MCTP1: variants seen among roughly 807,000 people sequenced by gnomAD.
MCTP1 encodes multiple C2 and transmembrane domain-containing protein 1.
Under a neutral mutation model 120.6 loss-of-function variants are expected in MCTP1, and 69 were observed. That is an observed-to-expected ratio of 0.57 (90% confidence interval 0.47 to 0.70). MCTP1 has a LOEUF of 0.70. Among genes scored for constraint, MCTP1 ranks in the 30% least tolerant of loss-of-function variants. The pLI, the probability that MCTP1 is intolerant of heterozygous loss-of-function variation, is 0.00. For synonymous variants in MCTP1, 529 were observed against 493.1 expected (o/e 1.07, Z -0.96); for missense variants, 1,203 against 1,248.8 (o/e 0.96, Z 0.55).
intron 1 of MCTP1, among the ~76,000 whole-genome samples, chr5:95,226,015 C>A (rs1582590253): frequency 6.6e-6 from 1 of 152,132 alleles, no homozygotes; most frequent in South Asian, 2.1e-4. Flanking sequence ...TTTAAATTTC[C>A]ACAGGTGTTG....
chr5:94,743,298 C>T (rs1335424599), intron 19 of MCTP1, among the ~76,000 whole-genome samples: 1 of 148,328 alleles, frequency 6.7e-6, no homozygotes, highest in Non-Finnish European at 1.5e-5. Context: ...AATCTGCAGG[C>T]TTATATTTCA....
chr5:94,911,360 C>T (rs370225475), intron 9 of MCTP1, among the ~76,000 whole-genome samples: 11 of 152,208 alleles, frequency 7.2e-5, no homozygotes, highest in East Asian at 1.9e-4. Flanking sequence ...GTGTATCCAC[C>T]GAAATCTCAT....
At chr5:95,054,810 T>TTTGC (rs1395599579) in intron 1 of MCTP1, among the ~76,000 whole-genome samples, 37 of 152,160 alleles carry the variant, frequency 2.4e-4, no homozygotes, top group East Asian at 1.2e-3. Context: ...TGTTTGTTTG[T>TTTGC]TTGTTTTTTG....
chr5:94,738,504 C>A (rs1214316190), intron 19 of MCTP1, among the ~76,000 whole-genome samples: 1 of 152,180 alleles, frequency 6.6e-6, no homozygotes, highest in East Asian at 1.9e-4. Context: ...CCTGTCCCCC[C>A]ATACTGAACA....
rs373061528 is a variant in MCTP1, at chr5:95,125,461, A to C, written c.721-107977T>G. Among the ~76,000 whole-genome samples, 6 of 152,162 alleles carry C rather than the reference A, an allele frequency of 3.9e-5. No homozygotes were observed. The East Asian group carries it at 1.2e-3, about 29-fold the overall frequency. On this transcript the variant is annotated intron_variant, in intron 1 of 22. Transcript: ENST00000515393. ...ACTCTTCTTCCTGGAATCGCTAGCC[A>C]CAACCTTCACCTGGCAGTCTCCTTG... is the stretch of plus-strand genomic sequence containing the variant.
At chr5:95,020,987 C>G (rs1009379627) in intron 1 of MCTP1, among the ~76,000 whole-genome samples, 3 of 151,964 alleles carry the variant, frequency 2.0e-5, no homozygotes, top group Non-Finnish European at 4.4e-5. Context: ...TATGTAGCTC[C>G]CTTCTTTCTT....
At chr5:94,826,577 T>G in intron 17 of MCTP1, 1 of 750,908 alleles carries the variant, frequency 1.3e-6, no homozygotes, top group South Asian at 1.4e-5. Context: ...TCAAAGCATC[T>G]TTTGGGCAAA....
At chr5:94,951,107 C>T (rs989009819) in intron 3 of MCTP1, among the ~76,000 whole-genome samples, 5 of 152,016 alleles carry the variant, frequency 3.3e-5, no homozygotes, top group African/African-American at 1.2e-4. Context: ...TCATCTAGCC[C>T]CTTGCTACCC....
intron 1 of MCTP1, among the ~76,000 whole-genome samples, chr5:95,082,671 T>C (rs925748200): frequency 6.6e-6 from 1 of 152,188 alleles, no homozygotes; most frequent in Non-Finnish European, 1.5e-5. Flanking sequence ...CATTTCAATA[T>C]GTAATCATAA....
intron 1 of MCTP1, among the ~76,000 whole-genome samples, chr5:95,093,541 T>G (rs1756005839): frequency 1.3e-5 from 2 of 152,074 alleles, no homozygotes; most frequent in South Asian, 4.2e-4. Flanking sequence ...TAAACTTCAT[T>G]TGGACCTTAG....
At chr5:95,153,713 T>C (rs1450730327) in intron 1 of MCTP1, among the ~76,000 whole-genome samples, 7 of 152,210 alleles carry the variant, frequency 4.6e-5, no homozygotes, top group Non-Finnish European at 1.0e-4. Flanking sequence ...AAATCTGTTT[T>C]GTGGTGCTGT....
chr5:95,190,085 C>G (rs1749662577), intron 1 of MCTP1, among the ~76,000 whole-genome samples: 3 of 152,068 alleles, frequency 2.0e-5, no homozygotes, highest in Admixed American at 6.6e-5. Flanking sequence ...TAATGGCCTT[C>G]AACTACCTCA....
chr5:94,795,257 G>T (rs1779761073), intron 18 of MCTP1, among the ~76,000 whole-genome samples: 1 of 150,408 alleles, frequency 6.6e-6, no homozygotes, highest in East Asian at 2.0e-4. Flanking sequence ...CTGGGCGGGG[G>T]TGGGGTGGGG....
intron 1 of MCTP1, among the ~76,000 whole-genome samples, chr5:95,232,177 A>AAAAAT (rs1755032140): frequency 6.7e-6 from 1 of 149,586 alleles, no homozygotes; most frequent in African/African-American, 2.5e-5. Flanking sequence ...AAAAAAAAAA[A>AAAAAT]CAGTCATAGC....
intron 22 of MCTP1, among the ~76,000 whole-genome samples, 158 bp from the exon 23 acceptor site, chr5:94,707,725 C>T (rs7737187): frequency 0.15 from 22,283 of 151,836 alleles, 1,822 homozygotes; most frequent in East Asian, 0.32. Context: ...AATAGAATGA[C>T]AGAGCAAGAA....
intron 2 of MCTP1, among the ~76,000 whole-genome samples, chr5:94,967,182 C>T (rs1825826859): frequency 6.6e-6 from 1 of 152,114 alleles, no homozygotes; most frequent in South Asian, 2.1e-4. Flanking sequence ...TTTTCTCAAC[C>T]ACTGTGTAGG....
chr5:95,245,233 A>G (rs1031965349), intron 1 of MCTP1, among the ~76,000 whole-genome samples: 6 of 152,218 alleles, frequency 3.9e-5, no homozygotes, highest in African/African-American at 1.2e-4. Context: ...CCAGACCAGA[A>G]AAGCTGAACA....
At chr5:94,896,825 T>C (rs1302621755) in intron 10 of MCTP1, among the ~76,000 whole-genome samples, 3 of 152,146 alleles carry the variant, frequency 2.0e-5, no homozygotes, top group Non-Finnish European at 2.9e-5. Flanking sequence ...GGCAGAAGGA[T>C]TTGTGATTCT....
In MCTP1 at chr5:94,953,075, A is replaced by G. The variant is rs1256570454; in HGVS notation, c.981+144T>C. Reference sequence around the variant, plus strand: ...TCCTCCTTCCCTCTATCTCACTTCTATCATATTATCCATAGATTAGAGTGG... The same window carrying G: ...TCCTCCTTCCCTCTATCTCACTTCTGTCATATTATCCATAGATTAGAGTGG... On this transcript the variant is annotated intron_variant, in intron 3 of 22. Transcript: ENST00000515393. 7.4e-6 allele frequency: 5 copies of G among 671,882 alleles called. No homozygotes were observed. The South Asian group carries it at 1.1e-4, about 14-fold the overall frequency. The allele number at this position is 671,882 out of a possible 1,614,324, so 41.6% of individuals were successfully genotyped here. A position where few individuals can be genotyped will look rare whatever the true frequency, so the allele number is the denominator to read the frequency against.
Sources: gnomAD v4.1 joint callset for allele counts (sites outside exome capture counted in the v4.1 genomes callset) on GRCh38, gnomAD v4.1.1 for gene constraint, MANE v1.5 for transcripts, NCBI Gene and HGNC (gene_info 2026-07-23, HGNC 2026-07-21) for gene names.